The following SEPTIN9 variants were observed in gnomAD, a reference collection of about 807,000 sequenced individuals.
SEPTIN9 encodes septin 9.
A neutral mutation model predicts 56.6 loss-of-function variants in SEPTIN9; 13 were observed. The ratio of observed to expected loss-of-function variants is 0.23; its 90% CI spans 0.15 to 0.37. The LOEUF (loss-of-function observed/expected upper bound fraction) is 0.37. Ranked by LOEUF, SEPTIN9 falls within the 10% of genes least tolerant of loss-of-function variation. SEPTIN9 has a pLI of 1.00. For synonymous variants in SEPTIN9, 332 were observed against 334.1 expected (o/e 0.99, Z 0.07); for missense variants, 650 against 823.1 (o/e 0.79, Z 2.57).
Position 77,402,676 on chromosome 17 carries a change from G to A in SEPTIN9, c.694G>A (p.Ala232Thr). 1 of 1,605,478 alleles carries A rather than the reference G, an allele frequency of 6.2e-7. No individual in the cohort carries two copies. The highest frequency in any genetic ancestry group is 1.3e-5 in the African/African-American group (1 of 74,652). Residue 232 changes from alanine (A) to threonine (T), a missense_variant, in exon 3 of 12, where the codon GCT (alanine) becomes ACT (threonine). Ala to Thr is a moderately conservative substitution (Grantham distance 58). This residue lies in a region of SEPTIN9 where 317 missense variants were observed against 329.1 expected (regional missense o/e 0.96). Transcript: ENST00000427177. The surrounding 1 kb of genome is among the most constrained non-coding windows in gnomAD (Gnocchi z 6.6). ...GGAGCCCAAGCCCCAGCCCCCTGTG[G>A]CTGAGGCTACACCCCGGAGCCAGGA... The part of the protein sequence containing the change: ...RLEPKPQPPV[A>T]EATPRSQEAT...
intron 2 of SEPTIN9, among the ~76,000 whole-genome samples, chr17:77,363,534 C>A (rs1432621457): frequency 6.6e-6 from 1 of 151,892 alleles, no homozygotes; most frequent in Non-Finnish European, 1.5e-5. Context: ...ATTACAGGCA[C>A]CTGCCACCAC....
At chr17:77,417,668 T>C (rs1274332978) in intron 3 of SEPTIN9, among the ~76,000 whole-genome samples, 1 of 152,200 alleles carries the variant, frequency 6.6e-6, no homozygotes, top group East Asian at 1.9e-4. Context: ...GGCCGGTAAG[T>C]GGAAGTTCAA....
chr17:77,412,121 C>T (rs2036325241), intron 3 of SEPTIN9, among the ~76,000 whole-genome samples: 1 of 135,492 alleles, frequency 7.4e-6, no homozygotes, highest in Admixed American at 7.3e-5. Flanking sequence ...CAGAGCGAGA[C>T]TCCCTATCAA....
At chr17:77,397,937 C>T (rs1391855532) in intron 2 of SEPTIN9, among the ~76,000 whole-genome samples, 3 of 152,008 alleles carry the variant, frequency 2.0e-5, no homozygotes, top group Non-Finnish European at 4.4e-5. Context: ...GCTGGGATTA[C>T]AGGCATGAGC....
At chr17:77,314,696 G>T (rs535209262) in intron 2 of SEPTIN9, among the ~76,000 whole-genome samples, 15 of 152,346 alleles carry the variant, frequency 9.8e-5, no homozygotes, top group Admixed American at 9.8e-4. Context: ...CCTGGAGCAA[G>T]GTGGGGCCGA....
intron 3 of SEPTIN9, among the ~76,000 whole-genome samples, chr17:77,414,118 G>A (rs12325707): frequency 0.034 from 5,194 of 151,618 alleles, 306 homozygotes; most frequent in African/African-American, 0.12. Flanking sequence ...CACTCTTGTC[G>A]CCTAGGCTGG....
intron 2 of SEPTIN9, among the ~76,000 whole-genome samples, chr17:77,397,372 A>G (rs1241206248): frequency 6.6e-6 from 1 of 151,924 alleles, no homozygotes; most frequent in Non-Finnish European, 1.5e-5. Context: ...TTTCTCCTAT[A>G]AGGACACCGA....
In SEPTIN9 at chr17:77,475,370, A is replaced by C; in HGVS notation, c.722-6774A>C. The C allele has an allele frequency of 6.9e-7, 1 of 1,439,550 alleles. No homozygotes were observed. The highest frequency in any genetic ancestry group is 2.6e-4 in the Middle Eastern group (1 of 3,894). 89.2% of individuals were successfully genotyped at this position (1,439,550 alleles called of 1,614,324 possible). On this transcript the variant is annotated intron_variant, in intron 3 of 11. Transcript: ENST00000427177. The surrounding 1 kb of genome is among the most constrained non-coding windows in gnomAD (Gnocchi z 4.6). The stretch of plus-strand genomic sequence containing the variant: ...CAGGGATCTGAAGGACTTTGCAGGC[A>C]CCCAGGGAGATAGGAGAGGAGGAGG...
At chr17:77,375,716 GTTTA>G (rs1159454882) in intron 2 of SEPTIN9, 1 of 152,680 alleles carries the variant, frequency 6.5e-6, no homozygotes, top group Admixed American at 6.5e-5. Flanking sequence ...GGTTCCCTGT[GTTTA>G]TCAGTCTCCC....
rs1033391858 is a variant in SEPTIN9 at position 77,466,463 on chromosome 17, C to T, written c.722-15681C>T. On this transcript the variant is annotated intron_variant, in intron 3 of 11. Transcript: ENST00000427177. Reference sequence around the variant, plus strand: ...GGAGCTTCCAGGTTCCGGCTGCTGCCTGTGTTAGCTGCGTGAGCGTGAGCG... The same window carrying T: ...GGAGCTTCCAGGTTCCGGCTGCTGCTTGTGTTAGCTGCGTGAGCGTGAGCG... 2.0e-5 allele frequency: 20 copies of T among 985,292 alleles called. No homozygotes were observed. In the African/African-American group the frequency reaches 2.8e-4, roughly 14 times the overall value. The allele number at this position is 985,292 out of a possible 1,614,324, so 61.0% of individuals were successfully genotyped here. A position where few individuals can be genotyped will look rare whatever the true frequency, so the allele number is the denominator to read the frequency against.
chr17:77,418,945 A>G (rs1047208707), intron 3 of SEPTIN9, among the ~76,000 whole-genome samples: 1 of 152,116 alleles, frequency 6.6e-6, no homozygotes, highest in African/African-American at 2.4e-5. Flanking sequence ...CCTGTCTCCC[A>G]GGGTCCCTGC....
chr17:77,353,089 G>A (rs1246709816), intron 2 of SEPTIN9, among the ~76,000 whole-genome samples: 1 of 152,196 alleles, frequency 6.6e-6, no homozygotes, highest in African/African-American at 2.4e-5. Context: ...GTCAGGACTT[G>A]CATATGTCTT....
In SEPTIN9 at chr17:77,423,387, T is replaced by C. The variant is rs55678625; in HGVS notation, c.721+20684T>C. Among the ~76,000 whole-genome samples the C allele has an allele frequency of 6.1e-3, 925 of 152,304 alleles. 5 individuals are homozygous for C. The highest frequency in any genetic ancestry group is 0.021 in the African/African-American group (859 of 41,578). ...TGTGGAAACATTGAGTTCCCCTTGA[T>C]AGTTTTGTCCACAGAGTGAATGTTT... is the stretch of plus-strand genomic sequence containing the variant. On this transcript the variant is annotated intron_variant, in intron 3 of 11. Coordinates refer to ENST00000427177, the MANE Select transcript of SEPTIN9 (RefSeq NM_001113491.2).
intron 2 of SEPTIN9, among the ~76,000 whole-genome samples, chr17:77,332,825 A>G (rs2033414506): frequency 2.0e-5 from 3 of 152,194 alleles, no homozygotes. Flanking sequence ...ATTGCTGAGT[A>G]ACGTCCACTG....
At chr17:77,377,036 G>T (rs1157330466) in intron 2 of SEPTIN9, 1 of 152,224 alleles carries the variant, frequency 6.6e-6, no homozygotes, top group African/African-American at 2.4e-5. Context: ...GAATGGAGAG[G>T]GTATCAGTGT....
chr17:77,304,646 G>A (rs534977859), intron 1 of SEPTIN9, among the ~76,000 whole-genome samples: 3 of 152,284 alleles, frequency 2.0e-5, no homozygotes, highest in South Asian at 2.1e-4. Flanking sequence ...CCTCAGGAAC[G>A]TGTGTCCTGT....
intron 3 of SEPTIN9, among the ~76,000 whole-genome samples, chr17:77,443,733 G>A (rs1030282106): frequency 2.6e-5 from 4 of 152,204 alleles, no homozygotes; most frequent in African/African-American, 9.6e-5. Flanking sequence ...GGGAGGTGGA[G>A]GTTGCAGTGA....
intron 3 of SEPTIN9, among the ~76,000 whole-genome samples, chr17:77,455,416 G>A (rs2038155698): frequency 6.6e-6 from 1 of 152,222 alleles, no homozygotes; most frequent in Non-Finnish European, 1.5e-5. Context: ...CTGCTCTGTG[G>A]GTGCCAGGCT....
intron 2 of SEPTIN9, among the ~76,000 whole-genome samples, chr17:77,384,200 C>T (rs905399038): frequency 2.0e-5 from 3 of 152,174 alleles, no homozygotes; most frequent in Non-Finnish European, 4.4e-5. Context: ...TGTTCCGTGG[C>T]AGGGTATTAA....
Sources: allele counts gnomAD v4.1 joint callset (sites outside exome capture counted in the v4.1 genomes callset), GRCh38; gene constraint gnomAD v4.1.1; regional missense constraint gnomAD v4.1.1; non-coding constraint Gnocchi (gnomAD v3.1); transcripts MANE v1.5; gene names NCBI Gene and HGNC (gene_info 2026-07-23, HGNC 2026-07-21).